The following ELP3 variants were observed in gnomAD, a reference collection of about 807,000 sequenced individuals.
The protein encoded by ELP3 is elongator acetyltransferase complex subunit 3, also known as elongator complex protein 3.
A neutral mutation model predicts 74.9 loss-of-function variants in ELP3; 56 were observed. The observed-to-expected ratio is 0.75, with a 90% CI of 0.60 to 0.93. The LOEUF is 0.93. ELP3 is among the 40% of genes least tolerant of loss of function. The pLI is 0.00. For missense variants in ELP3, 573 were observed against 686.5 expected (o/e 0.83, Z 1.85); for synonymous variants, 222 against 239.8 (o/e 0.93, Z 0.68).
chr8:28,110,037 TTATTA>T (rs1811851735), intron 5 of ELP3, among the ~76,000 whole-genome samples: 1 of 152,206 alleles, frequency 6.6e-6, no homozygotes, highest in African/African-American at 2.4e-5. Context: ...AAAAGTTACT[TTATTA>T]TATGATTCTG....
chr8:28,158,313 C>T (rs1813921626), intron 11 of ELP3, among the ~76,000 whole-genome samples: 1 of 151,984 alleles, frequency 6.6e-6, no homozygotes, highest in East Asian at 1.9e-4. Flanking sequence ...TTTTCGAATT[C>T]TAAATTTATT....
intron 5 of ELP3, among the ~76,000 whole-genome samples, chr8:28,110,081 G>A (rs1013048585): frequency 6.6e-6 from 1 of 152,190 alleles, no homozygotes; most frequent in African/African-American, 2.4e-5. Context: ...ATGTCTGTGA[G>A]CAGAACACTT....
chr8:28,090,482 G>T (rs11783105), upstream of ELP3: 6,667 of 160,162 alleles, frequency 0.042, 314 homozygotes, highest in African/African-American at 0.11. Flanking sequence ...CTGATGGGTG[G>T]GTGTGTGTGT....
At chr8:28,150,075 C>T (rs150126711) in intron 10 of ELP3, among the ~76,000 whole-genome samples, 109 of 152,234 alleles carry the variant, frequency 7.2e-4, no homozygotes, top group Admixed American at 7.2e-4. Context: ...TTTATAATAA[C>T]AAAATAATCC....
chr8:28,163,659 C>T (rs185946111), intron 14 of ELP3, among the ~76,000 whole-genome samples: 1 of 152,104 alleles, frequency 6.6e-6, no homozygotes, highest in East Asian at 1.9e-4. Flanking sequence ...GTTTACTTCT[C>T]AACTGTTTAA....
At position 28,094,730 on chromosome 8, in the gene ELP3, A is replaced by G. The variant is rs1811186527; in HGVS notation, c.19+1497A>G. Among the ~76,000 whole-genome samples the G allele has an allele frequency of 2.0e-5, 3 of 152,174 alleles. No homozygotes were observed. In the South Asian group the frequency reaches 6.2e-4, roughly 32 times the overall value. On this transcript the variant is annotated intron_variant, in intron 1 of 14. Transcript: ENST00000256398. ...GCACTCCAGCCTGGGTGACCGAGCA[A>G]GACTCTGTCTCAAAAAGAAAAAGAA...
chr8:28,188,170 G>A (rs1483960339), intron 14 of ELP3, among the ~76,000 whole-genome samples: 1 of 152,208 alleles, frequency 6.6e-6, no homozygotes, highest in Non-Finnish European at 1.5e-5. Context: ...TCACTCCCAG[G>A]CACAGACAGC....
chr8:28,123,943 CTT>C (rs371789579), intron 7 of ELP3, among the ~76,000 whole-genome samples: 3 of 144,640 alleles, frequency 2.1e-5, no homozygotes, highest in East Asian at 2.0e-4. Context: ...GTAATTGGCT[CTT>C]TTTTTTTTTA....
chr8:28,185,752 G>T (rs565264986), intron 14 of ELP3, among the ~76,000 whole-genome samples: 3 of 152,302 alleles, frequency 2.0e-5, no homozygotes, highest in African/African-American at 4.8e-5. Context: ...GGGCTGGTTT[G>T]CTGATCCTGG....
intron 14 of ELP3, among the ~76,000 whole-genome samples, chr8:28,172,333 T>C (rs760537791): frequency 1.3e-5 from 2 of 152,190 alleles, no homozygotes; most frequent in Middle Eastern, 3.4e-3. Flanking sequence ...TTTAGCAAAG[T>C]TTTGTAGTTT....
intron 8 of ELP3, among the ~76,000 whole-genome samples, chr8:28,132,060 T>C (rs1015428651): frequency 6.6e-6 from 1 of 152,152 alleles, no homozygotes; most frequent in South Asian, 2.1e-4. Flanking sequence ...AATAAAGTTA[T>C]TTACTTCCAG....
At chr8:28,109,957 C>T (rs935510709) in intron 5 of ELP3, among the ~76,000 whole-genome samples, 4 of 152,170 alleles carry the variant, frequency 2.6e-5, no homozygotes, top group African/African-American at 7.2e-5. Flanking sequence ...TACATTGTTT[C>T]GTGGCTGTAG....
chr8:28,110,784 A>G, intron 6 of ELP3: 1 of 225,490 alleles, frequency 4.4e-6, no homozygotes, highest in Non-Finnish European at 8.6e-6. Context: ...AAGTCAGATT[A>G]AGAAGTATTT....
intron 7 of ELP3, among the ~76,000 whole-genome samples, chr8:28,117,620 G>A (rs1482993232): frequency 6.6e-6 from 1 of 152,082 alleles, no homozygotes; most frequent in Non-Finnish European, 1.5e-5. Context: ...AGTAATGAAA[G>A]TACAATCTGG....
chr8:28,091,508 C>G (rs1358914827), upstream of ELP3, among the ~76,000 whole-genome samples: 1 of 152,200 alleles, frequency 6.6e-6, no homozygotes, highest in Non-Finnish European at 1.5e-5. Flanking sequence ...CAAAGCTTAG[C>G]AAGGCCAGTT....
chr8:28,122,862 C>A (rs955801665), intron 7 of ELP3, among the ~76,000 whole-genome samples: 2 of 152,166 alleles, frequency 1.3e-5, no homozygotes, highest in African/African-American at 4.8e-5. Flanking sequence ...CAATGGCTCA[C>A]GCCTGTAATC....
At chr8:28,153,404 C>G (rs1463682354) in intron 10 of ELP3, among the ~76,000 whole-genome samples, 2 of 152,346 alleles carry the variant, frequency 1.3e-5, no homozygotes, top group Admixed American at 1.3e-4. Flanking sequence ...TTGTCCCTAT[C>G]AAGTTTCAAA....
chr8:28,178,863 C>T (rs1814873549), intron 14 of ELP3, among the ~76,000 whole-genome samples: 1 of 152,302 alleles, frequency 6.6e-6, no homozygotes, highest in East Asian at 1.9e-4. Context: ...ATTTTGACTA[C>T]CTTTTCATGT....
intron 14 of ELP3, chr8:28,183,402 A>G (rs1815097973): frequency 2.8e-6 from 1 of 362,778 alleles, no homozygotes. Flanking sequence ...GGATAAAACA[A>G]AGCCAGTGTT....
Sources: gnomAD v4.1 joint callset for allele counts (sites outside exome capture counted in the v4.1 genomes callset) on GRCh38, gnomAD v4.1.1 for gene constraint, MANE v1.5 for transcripts, NCBI Gene and HGNC (gene_info 2026-07-23, HGNC 2026-07-21) for gene names.